The following OR9Q1 variants were observed in gnomAD, a reference collection of about 807,000 sequenced individuals.
The protein encoded by OR9Q1 is olfactory receptor 9Q1.
For missense variants in OR9Q1, 374 were observed against 378.8 expected (o/e 0.99, Z 0.11); for synonymous variants, 153 against 148.6 (o/e 1.03, Z -0.22).
At chr11:58,106,318 C>T (rs903897454) in intron 2 of OR9Q1, among the ~76,000 whole-genome samples, 1 of 151,776 alleles carries the variant, frequency 6.6e-6, no homozygotes, top group Non-Finnish European at 1.5e-5. Context: ...ATATTCAGTT[C>T]CTTTGTCCAT....
intron 2 of OR9Q1, among the ~76,000 whole-genome samples, chr11:58,167,815 ATAGAAG>A (rs749921405): frequency 6.6e-6 from 1 of 152,204 alleles, no homozygotes; most frequent in Non-Finnish European, 1.5e-5. Flanking sequence ...AAGAGTCAAA[ATAGAAG>A]TAGAAGTGTG....
chr11:58,137,896 C>T (rs1254889259), intron 2 of OR9Q1, among the ~76,000 whole-genome samples: 1 of 152,146 alleles, frequency 6.6e-6, no homozygotes, highest in Non-Finnish European at 1.5e-5. Flanking sequence ...CATTAATATT[C>T]ATAGATACTC....
intron 2 of OR9Q1, among the ~76,000 whole-genome samples, chr11:58,083,749 G>A (rs1853610774): frequency 6.6e-6 from 1 of 151,790 alleles, no homozygotes; most frequent in Admixed American, 6.6e-5. Context: ...TGTCGACTTT[G>A]TTGAAGATCA....
intron 2 of OR9Q1, chr11:58,119,261 A>G: frequency 1.2e-6 from 2 of 1,614,030 alleles, no homozygotes; most frequent in South Asian, 2.2e-5. Context: ...TGGCTCAGGA[A>G]GAAGTACATT....
intron 1 of OR9Q1, among the ~76,000 whole-genome samples, chr11:58,054,915 CTT>C (rs1263491599): frequency 6.6e-6 from 1 of 152,190 alleles, no homozygotes; most frequent in Non-Finnish European, 1.5e-5. Context: ...CAGAGCAAGA[CTT>C]TGTCTCAAAC....
At chr11:58,065,221 G>A (rs1853417610) in intron 2 of OR9Q1, among the ~76,000 whole-genome samples, 1 of 152,198 alleles carries the variant, frequency 6.6e-6, no homozygotes, top group South Asian at 2.1e-4. Flanking sequence ...GCACTCTGAT[G>A]TAGAAGAGAT....
intron 2 of OR9Q1, among the ~76,000 whole-genome samples, chr11:58,141,745 A>G (rs1277414523): frequency 6.6e-6 from 1 of 152,152 alleles, no homozygotes; most frequent in African/African-American, 2.4e-5. Flanking sequence ...ACAAATAGAA[A>G]TGCCTGAGTG....
At chr11:58,081,441 A>C (rs1364897499) in intron 2 of OR9Q1, among the ~76,000 whole-genome samples, 1 of 152,168 alleles carries the variant, frequency 6.6e-6, no homozygotes, top group African/African-American at 2.4e-5. Flanking sequence ...CCAGCAGTGT[A>C]AAAGTGTTCC....
chr11:58,067,093 G>A (rs534791889), intron 2 of OR9Q1, among the ~76,000 whole-genome samples: 21 of 150,952 alleles, frequency 1.4e-4, no homozygotes, highest in African/African-American at 4.1e-4. Flanking sequence ...GTGCAGTGGC[G>A]TGATCCAAGC....
intron 2 of OR9Q1, among the ~76,000 whole-genome samples, chr11:58,153,171 A>G (rs1331112658): frequency 2.6e-5 from 4 of 152,230 alleles, no homozygotes; most frequent in Non-Finnish European, 5.9e-5. Context: ...GAAAATGAAA[A>G]CCAAGGTGGT....
At chr11:58,069,229 T>C (rs1316660552) in intron 2 of OR9Q1, among the ~76,000 whole-genome samples, 1 of 152,138 alleles carries the variant, frequency 6.6e-6, no homozygotes, top group African/African-American at 2.4e-5. Flanking sequence ...TGTGGCCCTA[T>C]TGTCCTTGCC....
intron 2 of OR9Q1, among the ~76,000 whole-genome samples, chr11:58,140,718 C>T (rs143829214): frequency 0.21 from 31,843 of 151,996 alleles, 3,910 homozygotes; most frequent in Middle Eastern, 0.38. Context: ...AGTCAGGTAG[C>T]GTGATGCCTC....
chr11:58,124,514 C>G (rs920809213), intron 2 of OR9Q1: 20 of 152,118 alleles, frequency 1.3e-4, no homozygotes, highest in African/African-American at 4.8e-4. Flanking sequence ...TGAAGGAGCT[C>G]AACAAAGTTA....
intron 2 of OR9Q1, among the ~76,000 whole-genome samples, chr11:58,072,183 A>G (rs1853493972): frequency 6.6e-6 from 1 of 152,238 alleles, no homozygotes; most frequent in Non-Finnish European, 1.5e-5. Context: ...GACTTATAAT[A>G]CATACAACAA....
chr11:58,149,700 G>A (rs182379186), intron 2 of OR9Q1, among the ~76,000 whole-genome samples: 1 of 152,146 alleles, frequency 6.6e-6, no homozygotes, highest in East Asian at 1.9e-4. Flanking sequence ...TCATAAAAGT[G>A]GAATCATATA....
At chr11:58,153,556 CTT>C (rs5792084) in intron 2 of OR9Q1, among the ~76,000 whole-genome samples, 58 of 146,300 alleles carry the variant, frequency 4.0e-4, no homozygotes, top group African/African-American at 1.2e-3. Flanking sequence ...TGCAAGAAAT[CTT>C]TTTTTTTTTT....
chr11:58,066,783 G>T (rs1232404733), intron 2 of OR9Q1, among the ~76,000 whole-genome samples: 1 of 152,122 alleles, frequency 6.6e-6, no homozygotes, highest in African/African-American at 2.4e-5. Context: ...CTGTCCCTGG[G>T]CCTCCTGGGC....
chr11:58,131,250 T>C (rs2513721), intron 2 of OR9Q1, among the ~76,000 whole-genome samples: 117,391 of 152,004 alleles, frequency 0.77, 45,463 homozygotes, highest in East Asian at 0.9. Flanking sequence ...GGTGGGGAGC[T>C]GGCCTGTGTG....
At chr11:58,054,921 C>G (rs1853312875) in intron 1 of OR9Q1, among the ~76,000 whole-genome samples, 1 of 152,218 alleles carries the variant, frequency 6.6e-6, no homozygotes, top group Non-Finnish European at 1.5e-5. Context: ...AAGACTTTGT[C>G]TCAAACAACA....
Sources: allele counts gnomAD v4.1 joint callset (sites outside exome capture counted in the v4.1 genomes callset), GRCh38; gene constraint gnomAD v4.1.1; transcripts MANE v1.5; gene names NCBI Gene and HGNC (gene_info 2026-07-23, HGNC 2026-07-21).